The following CDC5L variants were observed in gnomAD, a reference collection of about 807,000 sequenced individuals.
CDC5L encodes cell division cycle 5 like, also known as cell division cycle 5-like protein.
A neutral mutation model predicts 104.1 loss-of-function variants in CDC5L; 18 were observed. The ratio of observed to expected loss-of-function variants is 0.17; its 90% confidence interval spans 0.12 to 0.26. The LOEUF is 0.26. Among genes scored for constraint, CDC5L ranks in the 10% least tolerant of loss-of-function variants. The pLI, the probability that CDC5L is intolerant of heterozygous loss-of-function variation, is 1.00. For synonymous variants in CDC5L, 331 were observed against 322.7 expected (o/e 1.03, Z -0.28); for missense variants, 673 against 956.9 (o/e 0.70, Z 3.91).
At chr6:44,425,280 G>T (rs1355057000) in intron 11 of CDC5L, among the ~76,000 whole-genome samples, 1 of 152,146 alleles carries the variant, frequency 6.6e-6, no homozygotes, top group African/African-American at 2.4e-5. Flanking sequence ...GCTCATTGAA[G>T]CTTTTTGGAT....
At chr6:44,407,992 A>T (rs1045000176) in intron 7 of CDC5L, among the ~76,000 whole-genome samples, 1 of 152,166 alleles carries the variant, frequency 6.6e-6, no homozygotes, top group African/African-American at 2.4e-5. Context: ...TTTTGTATAA[A>T]TACTGCTATT....
At position 44,450,303 on chromosome 6, in the gene CDC5L, CTT is replaced by C. The variant is rs1490336664; in HGVS notation, c.*3595_*3596del. 1 of 152,192 alleles carries C rather than the reference CTT, an allele frequency of 6.6e-6. No individual in the cohort carries two copies. Among genetic ancestry groups the C allele is most frequent in the Non-Finnish European group, 1.5e-5 (1 of 68,044 alleles). The allele number at this position is 152,192 out of a possible 1,614,324, so 9.4% of individuals were successfully genotyped here. On this transcript the variant is annotated 3_prime_UTR_variant, in exon 16 of 16. Transcript: ENST00000371477. ...AGGTTGAAAGTCTGTACTTACAGAA[CTT>C]TTGAGTTCACAGTGCTTTCTGGAAA...
At chr6:44,433,909 C>T (rs1436440057) in intron 14 of CDC5L, among the ~76,000 whole-genome samples, 6 of 152,096 alleles carry the variant, frequency 3.9e-5, no homozygotes, top group South Asian at 2.1e-4. Flanking sequence ...AAACTTAGGG[C>T]AAGGATTTAG....
intron 9 of CDC5L, among the ~76,000 whole-genome samples, chr6:44,422,391 T>C (rs1453545538): frequency 6.6e-6 from 1 of 152,190 alleles, no homozygotes; most frequent in Non-Finnish European, 1.5e-5. Flanking sequence ...TAATGTTTAG[T>C]GGACGTAGTT....
intron 4 of CDC5L, 99 bp downstream of exon 4, chr6:44,393,672 C>T: frequency 9.2e-6 from 10 of 1,091,392 alleles, no homozygotes; most frequent in East Asian, 2.9e-5. Flanking sequence ...TTTAGAATCC[C>T]TTTTTTTTTT....
chr6:44,407,214 A>G (rs1791409713), intron 7 of CDC5L, among the ~76,000 whole-genome samples: 1 of 152,148 alleles, frequency 6.6e-6, no homozygotes, highest in Admixed American at 6.5e-5. Context: ...CAGTTGTGAA[A>G]GTCAATGTGG....
At position 44,424,492 on chromosome 6, in the gene CDC5L, T is replaced by C. The variant is rs756271993; in HGVS notation, c.1478T>C (p.Val493Ala). The change falls in exon 11 of 16, where the codon GTT becomes GCT. Residue 493 changes from valine (V) to alanine (A), a missense_variant. By Grantham distance (64) the Val-to-Ala change is moderately conservative. Transcript: ENST00000371477. ...GCCCCTAAGAATGATTTTGAAATTG[T>C]TCTACCAGAAAATGCCGAGAAGGAG... ...LPAPKNDFEI[V>A]LPENAEKELE... The C allele has an allele frequency of 6.2e-7, 1 of 1,614,008 alleles. No homozygotes were observed. The highest frequency in any genetic ancestry group is 1.1e-5 in the South Asian group (1 of 91,074).
At chr6:44,390,672 T>G (rs578228568) in intron 2 of CDC5L, among the ~76,000 whole-genome samples, 36 of 152,272 alleles carry the variant, frequency 2.4e-4, no homozygotes, top group African/African-American at 8.2e-4. Flanking sequence ...TGAGAGTGCT[T>G]TGTGAAGCAT....
chr6:44,406,238 C>G, intron 6 of CDC5L, 85 bp from the exon 7 acceptor site: 2 of 1,016,424 alleles, frequency 2.0e-6, no homozygotes, highest in Non-Finnish European at 2.9e-6. Flanking sequence ...GTTGTTTGTT[C>G]AAAGGGTTTG....
intron 14 of CDC5L, chr6:44,435,692 A>G (rs1053105397): frequency 5.9e-5 from 9 of 152,932 alleles, no homozygotes; most frequent in African/African-American, 1.5e-4. Flanking sequence ...GCAAGCCACA[A>G]AGCCACTCAG....
In CDC5L at chr6:44,419,464, A is replaced by G. The variant is rs771059938; in HGVS notation, c.1108A>G (p.Met370Val). Residue 370 changes from methionine to valine, a missense_variant, in exon 9 of 16, where the codon ATG (methionine) becomes GTG (valine). Around this residue, in one of 4 missense-constraint regions of CDC5L, gnomAD observed 578 missense variants for 737.0 expected, o/e 0.78. Coordinates refer to ENST00000371477, the MANE Select transcript of CDC5L (RefSeq NM_001253.4). ...TGTTAATCAGGAAGCCCAGAACCTC[A>G]TGGCCCTCACCAATGTGGACACCCC... The part of the protein sequence containing the change: ...DRILQEAQNL[M>V]ALTNVDTPLK... 1 of 1,614,114 alleles carries G rather than the reference A, an allele frequency of 6.2e-7. No homozygotes were observed. Among genetic ancestry groups the G allele is most frequent in the Non-Finnish European group, 8.5e-7 (1 of 1,179,994 alleles).
chr6:44,412,973 G>T (rs1435896452), intron 8 of CDC5L, among the ~76,000 whole-genome samples: 1 of 151,094 alleles, frequency 6.6e-6, no homozygotes, highest in East Asian at 2.0e-4. Context: ...TAGTAGAGAC[G>T]GGGTTTCACC....
In CDC5L at chr6:44,419,552, G is replaced by T; in HGVS notation, c.1196G>T (p.Arg399Leu). ...ESDFSGVTPQ[R>L]QVVQTPNTVL... ...GACTTCTCAGGTGTAACTCCACAGC[G>T]ACAAGTTGTACAGACTCCAAACACA... is the stretch of plus-strand genomic sequence containing the variant. Residue 399 changes from arginine to leucine, a missense_variant, in exon 9 of 16, where the codon CGA becomes CTA. Physicochemically the swap from Arg to Leu is moderately radical, Grantham distance 102. Around this residue, in one of 4 missense-constraint regions of CDC5L, gnomAD observed 578 missense variants for 737.0 expected, o/e 0.78. Transcript: ENST00000371477. 6.2e-7 allele frequency: 1 copy of T among 1,613,548 alleles called. No homozygotes were observed. The highest frequency in any genetic ancestry group is 8.5e-7 in the Non-Finnish European group (1 of 1,179,472).
chr6:44,406,548 G>A (rs768040987), intron 7 of CDC5L, 81 bp downstream of exon 7: 127 of 1,266,920 alleles, frequency 1.0e-4, no homozygotes, highest in Admixed American at 1.4e-4. Flanking sequence ...GAAGGCCTGT[G>A]TACCAGGTTT....
chr6:44,424,269 G>T, intron 10 of CDC5L, 150 bp from the exon 11 acceptor site: 1 of 687,634 alleles, frequency 1.5e-6, no homozygotes. Context: ...CTTTGTGTTT[G>T]AAACCATCCA....
intron 5 of CDC5L, among the ~76,000 whole-genome samples, chr6:44,399,061 C>T (rs1251283133): frequency 2.0e-5 from 3 of 152,242 alleles, no homozygotes; most frequent in Non-Finnish European, 4.4e-5. Flanking sequence ...TCAAGCAGTC[C>T]TCTGCCTTAG....
chr6:44,388,140 T>TCCC (rs1790423255), intron 1 of CDC5L, among the ~76,000 whole-genome samples: 3 of 40,610 alleles, frequency 7.4e-5, no homozygotes, highest in Non-Finnish European at 1.5e-4. Flanking sequence ...ATACGCCCCC[T>TCCC]CCCACCCCGC....
At chr6:44,403,773 C>T (rs1791241429) in intron 5 of CDC5L, 36 bp from the exon 6 acceptor site, 1 of 1,395,328 alleles carries the variant, frequency 7.2e-7, no homozygotes, top group African/African-American at 1.4e-5. Context: ...TGTCACATGG[C>T]ATATGATTTT....
chr6:44,444,903 A>G (rs1054500573), intron 14 of CDC5L, among the ~76,000 whole-genome samples: 9 of 152,122 alleles, frequency 5.9e-5, no homozygotes, highest in Non-Finnish European at 8.8e-5. Context: ...GCCAGGGGGA[A>G]AGGCTTGGAA....
Sources: allele counts gnomAD v4.1 joint callset (sites outside exome capture counted in the v4.1 genomes callset), GRCh38; gene constraint gnomAD v4.1.1; regional missense constraint gnomAD v4.1.1; transcripts MANE v1.5; gene names NCBI Gene and HGNC (gene_info 2026-07-23, HGNC 2026-07-21).